GALNT16: variants seen among roughly 807,000 people sequenced by gnomAD.
GALNT16 encodes polypeptide N-acetylgalactosaminyltransferase 16.
A neutral mutation model predicts 76.1 loss-of-function variants in GALNT16; 40 were observed. That is an observed-to-expected ratio of 0.53 (90% CI 0.41 to 0.68). The LOEUF is 0.68. Ranked by LOEUF, GALNT16 falls within the 30% of genes least tolerant of loss-of-function variation. GALNT16 has a pLI of 0.00. For synonymous variants in GALNT16, 276 were observed against 285.2 expected (o/e 0.97, Z 0.32); for missense variants, 621 against 731.9 (o/e 0.85, Z 1.75).
chr14:69,264,215 C>G (rs562287282), intron 1 of GALNT16, among the ~76,000 whole-genome samples: 2 of 152,292 alleles, frequency 1.3e-5, no homozygotes, highest in African/African-American at 4.8e-5. Flanking sequence ...AAGATTTAGG[C>G]AAGAATTTCT....
chr14:69,356,066 T>C (rs1455657059), downstream of GALNT16: 9 of 152,274 alleles, frequency 5.9e-5, no homozygotes, highest in Non-Finnish European at 1.5e-5. Flanking sequence ...TTGGTATTTG[T>C]GTGTCCCTGT....
At chr14:69,342,809 T>C (rs1198951970) in intron 12 of GALNT16, among the ~76,000 whole-genome samples, 2 of 152,118 alleles carry the variant, frequency 1.3e-5, no homozygotes, top group African/African-American at 4.8e-5. Context: ...CGTGGTTCAT[T>C]TCCTCACCTT....
At chr14:69,342,250 C>A (rs549986235) in intron 12 of GALNT16, among the ~76,000 whole-genome samples, 4 of 151,922 alleles carry the variant, frequency 2.6e-5, no homozygotes, top group South Asian at 4.2e-4. Flanking sequence ...GAGTTTGAGA[C>A]CAGCCTGGGC....
the GALNT16 span, among the ~76,000 whole-genome samples, chr14:69,373,034 T>C: frequency 6.6e-6 from 1 of 152,166 alleles, no homozygotes; most frequent in Non-Finnish European, 1.5e-5. Context: ...ACTGACAGTG[T>C]CAAGGACAAA....
intron 1 of GALNT16, among the ~76,000 whole-genome samples, chr14:69,315,363 G>A (rs1472975663): frequency 6.6e-6 from 1 of 152,240 alleles, no homozygotes; most frequent in Non-Finnish European, 1.5e-5. Flanking sequence ...TACAAAGACT[G>A]GGGAGGGAGG....
Position 69,347,915 on chromosome 14 carries a change from G to C in GALNT16, c.1452G>C (p.Gly484=). The C allele has an allele frequency of 6.2e-7, 1 of 1,613,950 alleles. No individual in the cohort carries two copies. Among genetic ancestry groups the C allele is most frequent in the Non-Finnish European group, 8.5e-7 (1 of 1,179,944 alleles). ...GTGACCACCTCATCCAGCAGCAGGG[G>C]AAGTGCCTGGCTGCCACCTCCACCT... ...LFSDHLIQQQ[G]KCLAATSTLM... is the part of the protein sequence containing the mutation. Residue 484 remains glycine, a synonymous_variant, in exon 14 of 15, where the codon GGG becomes GGC. Coordinates refer to ENST00000448469, the MANE Select transcript of GALNT16 (RefSeq NM_001168368.2).
intron 1 of GALNT16, among the ~76,000 whole-genome samples, chr14:69,304,479 A>C (rs902736118): frequency 2.0e-5 from 3 of 152,184 alleles, no homozygotes; most frequent in African/African-American, 7.2e-5. Context: ...CATGAGACCT[A>C]CCTTCTTAGC....
At chr14:69,328,383 T>C in intron 5 of GALNT16, 67 bp from the exon 6 acceptor site, 1 of 1,554,528 alleles carries the variant, frequency 6.4e-7, no homozygotes, top group Non-Finnish European at 8.8e-7. Flanking sequence ...GCCTTGGGAC[T>C]TTGGGGGACA....
chr14:69,337,508 A>C (rs1005749251), intron 9 of GALNT16, among the ~76,000 whole-genome samples: 1 of 152,242 alleles, frequency 6.6e-6, no homozygotes, highest in African/African-American at 2.4e-5. Flanking sequence ...CAAAGTTGGG[A>C]TGGCAGAAAT....
At chr14:69,361,964 G>A (rs998019437), downstream of GALNT16, among the ~76,000 whole-genome samples, 2 of 152,150 alleles carry the variant, frequency 1.3e-5, no homozygotes, top group Admixed American at 6.5e-5. Context: ...CCGAAATCAC[G>A]CCACTGCACT....
chr14:69,382,204 C>G, the GALNT16 span, among the ~76,000 whole-genome samples: 2 of 152,168 alleles, frequency 1.3e-5, no homozygotes, highest in East Asian at 3.9e-4. Context: ...TTCCTCTGAA[C>G]AGTAAGGTCA....
chr14:69,338,032 G>A (rs2045435079), intron 9 of GALNT16, among the ~76,000 whole-genome samples: 1 of 152,242 alleles, frequency 6.6e-6, no homozygotes, highest in Non-Finnish European at 1.5e-5. Context: ...GTCCCCTTCT[G>A]GGCAGCAGGA....
chr14:69,336,223 C>T (rs956030316), intron 9 of GALNT16, among the ~76,000 whole-genome samples: 1 of 152,232 alleles, frequency 6.6e-6, no homozygotes, highest in African/African-American at 2.4e-5. Context: ...GATTCTCCTG[C>T]CTCAGCCTTC....
At chr14:69,375,641 G>C in the GALNT16 span, among the ~76,000 whole-genome samples, 2 of 152,054 alleles carry the variant, frequency 1.3e-5, no homozygotes, top group African/African-American at 2.4e-5. Flanking sequence ...TTTACAAATA[G>C]AGATCTTTAT....
At chr14:69,357,769 TC>T (rs1475075616), downstream of GALNT16, 1 of 152,266 alleles carries the variant, frequency 6.6e-6, no homozygotes, top group African/African-American at 2.4e-5. Context: ...CTGCTCAGTA[TC>T]CCTGGAGGGA....
At chr14:69,264,023 G>A (rs2044309127) in intron 1 of GALNT16, among the ~76,000 whole-genome samples, 1 of 152,244 alleles carries the variant, frequency 6.6e-6, no homozygotes, top group South Asian at 2.1e-4. Context: ...CTCACAGTTG[G>A]CGAGAACATT....
chr14:69,316,054 G>T (rs935987529), intron 1 of GALNT16, among the ~76,000 whole-genome samples: 1 of 152,204 alleles, frequency 6.6e-6, no homozygotes, highest in Non-Finnish European at 1.5e-5. Flanking sequence ...GTGTCTAGAG[G>T]TGCAGTAATG....
At chr14:69,328,684 A>G (rs1257132426) in intron 6 of GALNT16, 113 bp downstream of exon 6, 3 of 1,084,774 alleles carry the variant, frequency 2.8e-6, no homozygotes, top group East Asian at 5.0e-5. Context: ...TAGGAAGCCC[A>G]AATAGTCTAC....
rs1237309790 is a variant in GALNT16 at position 69,341,740 on chromosome 14, T to C, written c.1247T>C (p.Leu416Pro). 4 of 1,612,542 alleles carry C rather than the reference T, an allele frequency of 2.5e-6. No homozygotes were observed. Among genetic ancestry groups the C allele is most frequent in the Admixed American group, 1.7e-5 (1 of 59,990 alleles). ...KMNCKSFRWY[L>P]ENVYPELTVP... Reference sequence around the variant, plus strand: ...AACTGCAAGTCCTTCCGCTGGTACCTGGAGAACGTCTACCCAGAGCTCACG... The same window carrying C: ...AACTGCAAGTCCTTCCGCTGGTACCCGGAGAACGTCTACCCAGAGCTCACG... The change falls in exon 12 of 15, where the codon CTG (leucine) becomes CCG (proline). Residue 416 changes from leucine (L) to proline (P), a missense_variant. Transcript: ENST00000448469.
Sources: allele counts gnomAD v4.1 joint callset (sites outside exome capture counted in the v4.1 genomes callset), GRCh38; gene constraint gnomAD v4.1.1; transcripts MANE v1.5; gene names NCBI Gene and HGNC (gene_info 2026-07-23, HGNC 2026-07-21).